HIVEP2: variants seen among roughly 807,000 people sequenced by gnomAD.
The protein encoded by HIVEP2 is HIVEP zinc finger 2.
Under a neutral mutation model 180.7 loss-of-function variants are expected in HIVEP2, and 14 were observed. The ratio of observed to expected loss-of-function variants is 0.08; its 90% CI spans 0.05 to 0.12. The LOEUF is 0.12. Among genes scored for constraint, HIVEP2 ranks in the 10% least tolerant of loss-of-function variants. The pLI, the probability that HIVEP2 is intolerant of heterozygous loss-of-function variation, is 1.00. For synonymous variants in HIVEP2, 1,184 were observed against 1,136.4 expected (o/e 1.04, Z -0.84); for missense variants, 2,579 against 3,008.5 (o/e 0.86, Z 3.34).
chr6:142,763,698 ATC>A (rs1346362002), intron 7 of HIVEP2, among the ~76,000 whole-genome samples: 6 of 152,334 alleles, frequency 3.9e-5, no homozygotes, highest in Admixed American at 2.0e-4. Flanking sequence ...CTCCTAGGGA[ATC>A]TCTTAGTAAA....
Position 142,869,015 on chromosome 6 carries a change from G to C in HIVEP2, c.-640-31968C>G, listed in dbSNP as rs890090612. On this transcript the variant is annotated intron_variant, in intron 1 of 9. Transcript: ENST00000367603. ...TGAAAATCCTAGATCAGTGGTTCTC[G>C]GCCAAGGGTGATTTTGCCCCCTAGG... Among the ~76,000 whole-genome samples the C allele has an allele frequency of 2.0e-5, 3 of 152,080 alleles. No individual in the cohort carries two copies. In the East Asian group the frequency reaches 5.8e-4, roughly 29 times the overall value.
At chr6:142,813,787 G>A (rs540065504) in intron 2 of HIVEP2, among the ~76,000 whole-genome samples, 3 of 151,654 alleles carry the variant, frequency 2.0e-5, no homozygotes, top group East Asian at 3.9e-4. Flanking sequence ...GGCTGGTCTC[G>A]ACTCCTGGAC....
intron 1 of HIVEP2, among the ~76,000 whole-genome samples, chr6:142,942,393 C>A (rs1778201802): frequency 1.3e-5 from 2 of 152,200 alleles, no homozygotes; most frequent in South Asian, 4.1e-4. Flanking sequence ...TGACAAAGTG[C>A]CAAAAGTTCA....
At chr6:142,792,685 C>A (rs575751700) in intron 2 of HIVEP2, among the ~76,000 whole-genome samples, 1 of 151,764 alleles carries the variant, frequency 6.6e-6, no homozygotes, top group East Asian at 1.9e-4. Context: ...ATGTAACAAA[C>A]CTGAACATTC....
chr6:142,885,812 T>C (rs1417081221), intron 1 of HIVEP2, among the ~76,000 whole-genome samples: 1 of 152,198 alleles, frequency 6.6e-6, no homozygotes, highest in African/African-American at 2.4e-5. Context: ...CACAACTTTA[T>C]AAGCCGTAAA....
At position 142,943,130 on chromosome 6, in the gene HIVEP2, T is replaced by C. The variant is rs754610154; in HGVS notation, c.-641+1969A>G. Among the ~76,000 whole-genome samples the C allele has an allele frequency of 2.6e-5, 4 of 152,208 alleles. No individual in the cohort carries two copies. Among genetic ancestry groups the C allele is most frequent in the Non-Finnish European group, 5.9e-5 (4 of 68,032 alleles). On this transcript the variant is annotated intron_variant, in intron 1 of 9. Coordinates refer to ENST00000367603, the MANE Select transcript of HIVEP2 (RefSeq NM_006734.4). The surrounding 1 kb of genome is among the most constrained non-coding windows in gnomAD (Gnocchi z 4.5). ...GGTTCCACAGGGAATTTTCTCTTAA[T>C]AATGAAAATGATACCCACTTTAGTC...
At chr6:142,918,205 A>G (rs777460991) in intron 1 of HIVEP2, among the ~76,000 whole-genome samples, 3 of 149,254 alleles carry the variant, frequency 2.0e-5, no homozygotes, top group African/African-American at 5.0e-5. Context: ...TATTTATTTT[A>G]TTTACTTTTA....
chr6:142,787,451 A>G (rs771504047), intron 2 of HIVEP2, among the ~76,000 whole-genome samples: 2 of 152,112 alleles, frequency 1.3e-5, no homozygotes, highest in Admixed American at 6.5e-5. Flanking sequence ...AGGGAATAGA[A>G]AAGATTCAAA....
rs556484137 is a variant in HIVEP2, at chr6:142,874,754, T to A, written c.-640-37707A>T. On this transcript the variant is annotated intron_variant, in intron 1 of 9. Transcript: ENST00000367603. ...GGCCTGAAGATCTGAATAAACATGG[T>A]CCATTTATAGGACCTTAAGGAGGTC... 4.2e-4 allele frequency among the ~76,000 whole-genome samples: 64 copies of A among 152,130 alleles called. No homozygotes were observed. In the South Asian group the frequency reaches 0.013, roughly 31 times the overall value.
chr6:142,872,493 C>A (rs1776316031), intron 1 of HIVEP2, among the ~76,000 whole-genome samples: 1 of 152,164 alleles, frequency 6.6e-6, no homozygotes, highest in African/African-American at 2.4e-5. Flanking sequence ...TTGATGCCAT[C>A]TTTTTCTGCT....
intron 1 of HIVEP2, among the ~76,000 whole-genome samples, chr6:142,849,907 G>A (rs1374707045): frequency 2.0e-5 from 3 of 152,168 alleles, no homozygotes; most frequent in Non-Finnish European, 4.4e-5. Flanking sequence ...ACTAGGAAGT[G>A]TGCAAAGGGG....
At chr6:142,910,616 A>G (rs1777377653) in intron 1 of HIVEP2, among the ~76,000 whole-genome samples, 1 of 152,222 alleles carries the variant, frequency 6.6e-6, no homozygotes, top group Non-Finnish European at 1.5e-5. Context: ...ATAAAAATAA[A>G]GATAAACAAA....
At chr6:142,936,706 A>G (rs1338730061) in intron 1 of HIVEP2, among the ~76,000 whole-genome samples, 1 of 152,204 alleles carries the variant, frequency 6.6e-6, no homozygotes, top group Non-Finnish European at 1.5e-5. Flanking sequence ...TATTTGGGTT[A>G]AGAGAGACCA....
At chr6:142,895,531 C>T (rs1475053642) in intron 1 of HIVEP2, among the ~76,000 whole-genome samples, 2 of 152,166 alleles carry the variant, frequency 1.3e-5, no homozygotes, top group Non-Finnish European at 2.9e-5. Flanking sequence ...GGTGAATTCT[C>T]TACATACTGG....
chr6:142,875,308 C>G (rs1302828031), intron 1 of HIVEP2, among the ~76,000 whole-genome samples: 1 of 152,056 alleles, frequency 6.6e-6, no homozygotes, highest in Non-Finnish European at 1.5e-5. Context: ...GAATGAAGGC[C>G]ATTATGACTG....
At chr6:142,887,909 A>T (rs2128419761) in intron 1 of HIVEP2, among the ~76,000 whole-genome samples, 1 of 151,954 alleles carries the variant, frequency 6.6e-6, no homozygotes, top group African/African-American at 2.4e-5. Flanking sequence ...TTATTTAATT[A>T]TCTGGAAAGA....
chr6:142,869,015 G>A (rs890090612), intron 1 of HIVEP2, among the ~76,000 whole-genome samples: 6 of 152,080 alleles, frequency 3.9e-5, no homozygotes, highest in Non-Finnish European at 8.8e-5. Context: ...AGTGGTTCTC[G>A]GCCAAGGGTG....
chr6:142,823,386 CA>C (rs768285080), intron 2 of HIVEP2, among the ~76,000 whole-genome samples: 9 of 152,216 alleles, frequency 5.9e-5, no homozygotes, highest in Admixed American at 2.6e-4. Context: ...TTCTCTTGCC[CA>C]ATCTCTTTGC....
intron 1 of HIVEP2, among the ~76,000 whole-genome samples, chr6:142,870,990 A>C (rs535060769): frequency 1.3e-5 from 2 of 152,120 alleles, no homozygotes; most frequent in African/African-American, 4.8e-5. Flanking sequence ...TTGTACACCT[A>C]CTCTTCCCAA....
Sources: gnomAD v4.1 joint callset for allele counts (sites outside exome capture counted in the v4.1 genomes callset) on GRCh38, gnomAD v4.1.1 for gene constraint, Gnocchi (gnomAD v3.1) non-coding constraint, MANE v1.5 for transcripts, NCBI Gene and HGNC (gene_info 2026-07-23, HGNC 2026-07-21) for gene names.